Variants in TMED10 observed in about 807,000 individuals in gnomAD.
TMED10 encodes transmembrane p24 trafficking protein 10.
TMED10 carries 7 observed loss-of-function variants against 23.1 expected under a neutral mutation model. The observed-to-expected ratio is 0.30, with a 90% CI of 0.17 to 0.57. The LOEUF is 0.57. TMED10 is among the 20% of genes least tolerant of loss of function. The pLI, the probability that TMED10 is intolerant of heterozygous loss-of-function variation, is 0.91. For missense variants in TMED10, 162 were observed against 274.8 expected (o/e 0.59, Z 2.90); for synonymous variants, 113 against 106.9 (o/e 1.06, Z -0.35).
At chr14:75,135,943 TAAA>T (rs1440596046) in intron 3 of TMED10, 57 bp from the exon 4 acceptor site, 2 of 1,595,116 alleles carry the variant, frequency 1.3e-6, no homozygotes, top group African/African-American at 1.4e-5. Context: ...GTCAAGAACA[TAAA>T]GAAGGCAACA....
chr14:75,132,570 G>A lies in TMED10; in HGVS notation c.*2315C>T, dbSNP rs1330540641. The stretch of plus-strand genomic sequence containing the variant: ...AAGCAGTACCTACCAATTCTCAACA[G>A]CAGATGGCAATGTTGTACAAGTTAA... On this transcript the variant is annotated 3_prime_UTR_variant, in exon 5 of 5. Transcript: ENST00000303575. The A allele has an allele frequency of 6.6e-6, 1 of 152,100 alleles. No homozygotes were observed. The highest frequency in any genetic ancestry group is 1.5e-5 in the Non-Finnish European group (1 of 68,040). 9.4% of individuals were successfully genotyped at this position (152,100 alleles called of 1,614,324 possible).
intron 1 of TMED10, among the ~76,000 whole-genome samples, chr14:75,155,989 G>T (rs1270983070): frequency 6.6e-6 from 1 of 152,192 alleles, no homozygotes; most frequent in African/African-American, 2.4e-5. Flanking sequence ...GCCCAGAGAG[G>T]TTAAGTGCCT....
At chr14:75,167,901 A>G (rs1312002554) in intron 1 of TMED10, among the ~76,000 whole-genome samples, 1 of 152,164 alleles carries the variant, frequency 6.6e-6, no homozygotes, top group Admixed American at 6.5e-5. Flanking sequence ...GTAATGGAGG[A>G]AACTTCTATA....
At position 75,132,710 on chromosome 14, in the gene TMED10, C is replaced by T. The variant is rs1895703071; in HGVS notation, c.*2175G>A. 1.3e-5 allele frequency: 2 copies of T among 152,238 alleles called. No individual in the cohort carries two copies. The highest frequency in any genetic ancestry group is 2.9e-5 in the Non-Finnish European group (2 of 68,036). 9.4% of individuals were successfully genotyped at this position (152,238 alleles called of 1,614,324 possible). A position where few individuals can be genotyped will look rare whatever the true frequency, so the allele number is the denominator to read the frequency against. On this transcript the variant is annotated 3_prime_UTR_variant, in exon 5 of 5. Coordinates refer to ENST00000303575, the MANE Select transcript of TMED10 (RefSeq NM_006827.6). ...TTAACAGAATAGCCTGAGATTTTAACAGCATAACTCATTCCCTCTTCCACC... is the reference window on the plus strand; with the variant it reads ...TTAACAGAATAGCCTGAGATTTTAATAGCATAACTCATTCCCTCTTCCACC...
At chr14:75,172,362 C>T (rs1452556812) in intron 1 of TMED10, among the ~76,000 whole-genome samples, 1 of 151,424 alleles carries the variant, frequency 6.6e-6, no homozygotes, top group Admixed American at 6.6e-5. Context: ...GGTAGGAGTG[C>T]AGTGGCACAA....
chr14:75,159,516 T>G (rs983664610), intron 1 of TMED10, among the ~76,000 whole-genome samples: 10 of 152,226 alleles, frequency 6.6e-5, no homozygotes, highest in African/African-American at 2.2e-4. Context: ...TGCACACATT[T>G]GCCCAACCAC....
intron 1 of TMED10, among the ~76,000 whole-genome samples, chr14:75,167,608 T>G (rs1896181147): frequency 6.6e-6 from 1 of 152,206 alleles, no homozygotes. Context: ...GTGGTAGGCC[T>G]GTGATTCAAG....
intron 3 of TMED10, among the ~76,000 whole-genome samples, chr14:75,142,345 T>C (rs937247109): frequency 1.3e-5 from 2 of 152,188 alleles, no homozygotes; most frequent in Non-Finnish European, 2.9e-5. Context: ...CCTTTGGGTG[T>C]CCAACCAAAA....
intron 3 of TMED10, among the ~76,000 whole-genome samples, chr14:75,146,502 CT>C (rs1895884573): frequency 1.3e-5 from 2 of 152,148 alleles, no homozygotes; most frequent in Admixed American, 1.3e-4. Context: ...CCCTTACGTA[CT>C]GTTTTGTTGG....
chr14:75,155,079 C>T (rs558956358), intron 1 of TMED10, among the ~76,000 whole-genome samples: 13 of 152,224 alleles, frequency 8.5e-5, no homozygotes, highest in Non-Finnish European at 1.8e-4. Flanking sequence ...CTGCCTCAGC[C>T]TCCCAAGTAG....
rs550986392 is a variant in TMED10 at position 75,147,660 on chromosome 14, A to G, written c.411+4T>C. On this transcript the variant is annotated splice_donor_region_variant and intron_variant, in intron 3 of 4. Coordinates refer to ENST00000303575, the MANE Select transcript of TMED10 (RefSeq NM_006827.6). The stretch of plus-strand genomic sequence containing the variant: ...CCTCCTCTGGCTGTTAGAGCAGGAC[A>G]TACCTCTTCGTAATTTTTCGCCTCC... 8.1e-6 allele frequency: 13 copies of G among 1,614,148 alleles called. No individual in the cohort carries two copies. Among genetic ancestry groups the G allele is most frequent in the African/African-American group, 1.3e-5 (1 of 75,044 alleles).
intron 3 of TMED10, chr14:75,138,943 C>T (rs1895789158): frequency 3.8e-6 from 1 of 262,352 alleles, no homozygotes; most frequent in African/African-American, 2.3e-5. Context: ...TTACAGCCCC[C>T]CACAAGCTGT....
intron 3 of TMED10, chr14:75,138,998 A>G (rs1895789714): frequency 3.1e-6 from 1 of 324,202 alleles, no homozygotes; most frequent in Non-Finnish European, 6.0e-6. Context: ...TAGTTGTACA[A>G]CCAACACATA....
intron 3 of TMED10, among the ~76,000 whole-genome samples, chr14:75,145,322 C>T (rs175435): frequency 0.4 from 60,418 of 152,018 alleles, 12,625 homozygotes; most frequent in Middle Eastern, 0.5. Context: ...TTCCTAATGT[C>T]TATAAAGTCC....
At chr14:75,170,885 A>C (rs1348792702) in intron 1 of TMED10, among the ~76,000 whole-genome samples, 1 of 152,218 alleles carries the variant, frequency 6.6e-6, no homozygotes, top group Non-Finnish European at 1.5e-5. Context: ...TAATAAATGC[A>C]CACAGTAGTC....
intron 1 of TMED10, 25 bp from the exon 2 acceptor site, chr14:75,152,168 T>C (rs973641727): frequency 6.3e-7 from 1 of 1,584,922 alleles, no homozygotes; most frequent in Non-Finnish European, 8.7e-7. Flanking sequence ...GTAGTAAGAA[T>C]AGGCAGCAAA....
intron 1 of TMED10, among the ~76,000 whole-genome samples, chr14:75,174,426 G>A (rs1357723671): frequency 6.6e-6 from 1 of 152,008 alleles, no homozygotes; most frequent in Non-Finnish European, 1.5e-5. Context: ...GAACAAATCA[G>A]ACAGCAACAC....
chr14:75,171,470 G>C (rs560649280), intron 1 of TMED10, among the ~76,000 whole-genome samples: 152 of 152,160 alleles, frequency 1.0e-3, no homozygotes, highest in African/African-American at 3.4e-3. Context: ...GGTGAAGACG[G>C]GGTTTCACCA....
chr14:75,175,052 A>AAG (rs1225413228), intron 1 of TMED10, among the ~76,000 whole-genome samples: 2 of 151,772 alleles, frequency 1.3e-5, no homozygotes, highest in African/African-American at 4.8e-5. Context: ...AAAAAAAAAA[A>AAG]AAAAAAAAAA....
Sources: gnomAD v4.1 joint callset for allele counts (sites outside exome capture counted in the v4.1 genomes callset) on GRCh38, gnomAD v4.1.1 for gene constraint, MANE v1.5 for transcripts, NCBI Gene and HGNC (gene_info 2026-07-23, HGNC 2026-07-21) for gene names.